Variants in LARP7 observed in about 807,000 individuals in gnomAD.
LARP7 encodes the protein la-related protein 7.
A neutral mutation model predicts 69.3 loss-of-function variants in LARP7; 52 were observed. The observed-to-expected ratio is 0.75, with a 90% CI of 0.60 to 0.95. The LOEUF is 0.95. Among genes scored for constraint, LARP7 ranks in the 40% least tolerant of loss-of-function variants. The probability of loss-of-function intolerance (pLI) is 0.00; values close to 1 mark genes in which losing one functional copy is unlikely to be tolerated. For synonymous variants in LARP7, 254 were observed against 215.9 expected (o/e 1.18, Z -1.55); for missense variants, 733 against 673.0 (o/e 1.09, Z -0.99).
At chr4:112,652,297 C>A (rs551194453) in intron 10 of LARP7, among the ~76,000 whole-genome samples, 25 of 133,724 alleles carry the variant, frequency 1.9e-4, no homozygotes, top group African/African-American at 5.5e-5. Context: ...AAGATTTCCC[C>A]CCCCCCCCCA....
rs780535905 is a variant in LARP7 at position 112,657,334 on chromosome 4, A to G, written c.*7A>G. 3.3e-6 allele frequency: 5 copies of G among 1,522,690 alleles called. No homozygotes were observed. In the East Asian group the frequency reaches 1.1e-4, roughly 35 times the overall value. 94.3% of individuals were successfully genotyped at this position (1,522,690 alleles called of 1,614,324 possible). Reference sequence around the variant, plus strand: ...ATTTTCTGAATATGATTGAAAAAAAAAACAGTTCACCTCTTAATACTTCAC... The same window carrying G: ...ATTTTCTGAATATGATTGAAAAAAAGAACAGTTCACCTCTTAATACTTCAC... On this transcript the variant is annotated 3_prime_UTR_variant, in exon 13 of 13. Transcript: ENST00000344442.
At chr4:112,646,993 GAAAAC>G (rs2048311561) in intron 5 of LARP7, 36 bp from the exon 6 acceptor site, 1 of 1,564,312 alleles carries the variant, frequency 6.4e-7, no homozygotes, top group African/African-American at 1.4e-5. Flanking sequence ...AGAAAGAAAA[GAAAAC>G]AAGTATTAAA....
intron 8 of LARP7, 38 bp downstream of exon 8, chr4:112,647,872 A>G (rs2048399588): frequency 2.2e-6 from 3 of 1,375,890 alleles, no homozygotes; most frequent in African/African-American, 1.4e-5. Flanking sequence ...TGGCTTAACA[A>G]TCCATCACCA....
chr4:112,640,658 C>G (rs1432696020), intron 1 of LARP7, among the ~76,000 whole-genome samples: 1 of 152,138 alleles, frequency 6.6e-6, no homozygotes, highest in Non-Finnish European at 1.5e-5. Context: ...CAAGATTGTG[C>G]CACTGCAGTC....
rs750228758 is a variant in LARP7, at chr4:112,653,220, A to T, written c.1560A>T (p.Lys520Asn). The T allele has an allele frequency of 5.8e-5, 92 of 1,578,642 alleles. 1 individual carries two copies. In the South Asian group the frequency reaches 6.2e-4, roughly 11 times the overall value. The change falls in exon 11 of 13, where the codon AAA becomes AAT. Residue 520 changes from lysine (K) to asparagine (N), a missense_variant. Coordinates refer to ENST00000344442, the MANE Select transcript of LARP7 (RefSeq NM_016648.4). Reference protein sequence around the residue: ...YTEINKKHCWKLEILSGDHEQ... With the variant: ...YTEINKKHCWNLEILSGDHEQ... Reference sequence around the variant, plus strand: ...AAATTAACAAGAAACACTGCTGGAAACTCGAGATCCTTTCTGGTAAAACTT... The same window carrying T: ...AAATTAACAAGAAACACTGCTGGAATCTCGAGATCCTTTCTGGTAAAACTT...
intron 1 of LARP7, among the ~76,000 whole-genome samples, chr4:112,643,023 A>G (rs1001732248): frequency 3.9e-5 from 6 of 152,232 alleles, no homozygotes; most frequent in African/African-American, 4.8e-5. Flanking sequence ...CTATACCACT[A>G]GTGATTCAAT....
At position 112,638,247 on chromosome 4, in the gene LARP7, G is replaced by A. The variant is rs577127084; in HGVS notation, c.-3+1008G>A. On this transcript the variant is annotated intron_variant, in intron 1 of 12. Transcript: ENST00000344442. ...GGAAGCAGAGATTACAGTGAGCCGG[G>A]ATCGCGCCACTGCACTGCAGCCTGG... 5.3e-5 allele frequency among the ~76,000 whole-genome samples: 8 copies of A among 152,344 alleles called. No individual in the cohort carries two copies. The East Asian group carries it at 1.5e-3, about 29-fold the overall frequency.
intron 9 of LARP7, 57 bp downstream of exon 9, chr4:112,649,743 A>G (rs1213279316): frequency 3.6e-6 from 4 of 1,120,590 alleles, no homozygotes; most frequent in South Asian, 2.0e-5. Flanking sequence ...TGTAAATGCT[A>G]TCTCTGAGTT....
At chr4:112,644,131 A>G (rs1256689823) in intron 1 of LARP7, among the ~76,000 whole-genome samples, 1 of 151,632 alleles carries the variant, frequency 6.6e-6, no homozygotes, top group East Asian at 2.0e-4. Flanking sequence ...AGTCCCAGCT[A>G]CTTGGGAGAC....
chr4:112,650,829 G>C (rs1466446250), intron 10 of LARP7, among the ~76,000 whole-genome samples: 1 of 151,986 alleles, frequency 6.6e-6, no homozygotes, highest in Non-Finnish European at 1.5e-5. Flanking sequence ...TAGGAAAATT[G>C]TAACTTTTGC....
chr4:112,653,396 A>C (rs1578643453), intron 11 of LARP7, among the ~76,000 whole-genome samples, 160 bp downstream of exon 11: 1 of 150,696 alleles, frequency 6.6e-6, no homozygotes, highest in South Asian at 2.1e-4. Context: ...CGCATCCTCC[A>C]CCTCCCAGTT....
chr4:112,654,204 C>A, intron 12 of LARP7, 45 bp downstream of exon 12: 1 of 1,346,008 alleles, frequency 7.4e-7, no homozygotes, highest in Non-Finnish European at 1.1e-6. Context: ...TTTCCTTGAA[C>A]GTTTAATGCC....
intron 1 of LARP7, chr4:112,637,494 A>T (rs1380885123): frequency 2.0e-5 from 3 of 152,448 alleles, no homozygotes; most frequent in Non-Finnish European, 2.9e-5. Context: ...CGCCCGGCCT[A>T]TGACGGCGTC....
Position 112,639,525 on chromosome 4 carries a change from T to C in LARP7, c.-3+2286T>C, listed in dbSNP as rs532436018. ...GATTACAAGCGTGAGCCACCGCGCC[T>C]GGCCAAGTGTTACTTTTTTTTTTTA... On this transcript the variant is annotated intron_variant, in intron 1 of 12. Transcript: ENST00000344442. Among the ~76,000 whole-genome samples the C allele has an allele frequency of 1.4e-3, 215 of 152,044 alleles. 1 individual carries two copies. The highest frequency in any genetic ancestry group is 4.1e-3 in the Admixed American group (63 of 15,258).
chr4:112,644,026 A>G (rs2048062073), intron 1 of LARP7, among the ~76,000 whole-genome samples: 2 of 151,938 alleles, frequency 1.3e-5, no homozygotes, highest in Non-Finnish European at 2.9e-5. Flanking sequence ...GCAGATCACC[A>G]GGACAGCAAT....
At chr4:112,647,589 TTTAA>T (rs767678965) in intron 7 of LARP7, 40 bp downstream of exon 7, 70 of 1,470,614 alleles carry the variant, frequency 4.8e-5, no homozygotes, top group East Asian at 3.2e-4. Context: ...ACTAATTAAT[TTTAA>T]TTAATTAGTT....
intron 6 of LARP7, 33 bp from the exon 7 acceptor site, chr4:112,647,166 T>C (rs2048326695): frequency 4.4e-6 from 7 of 1,592,722 alleles, no homozygotes; most frequent in African/African-American, 4.1e-5. Context: ...GTAGTTGAAG[T>C]AAGATGAACT....
At position 112,657,282 on chromosome 4, in the gene LARP7, GACTC is replaced by G; in HGVS notation, c.1706_1709del (p.Thr569AsnfsTer7). 1 of 1,590,410 alleles carries G rather than the reference GACTC, an allele frequency of 6.3e-7. No homozygotes were observed. Among genetic ancestry groups the G allele is most frequent in the African/African-American group, 1.4e-5 (1 of 73,804 alleles). ...AAGCTGAAAAGATTAGACTGGCAAA[GACTC>G]AACAAGCGAGTAAACATATAAGATT... On this transcript the variant is annotated frameshift_variant, in exon 13 of 13. Transcript: ENST00000344442. LOFTEE classifies it high-confidence loss of function.
chr4:112,648,632 T>C, intron 8 of LARP7: 4 of 424,964 alleles, frequency 9.4e-6, no homozygotes, highest in Admixed American at 2.9e-5. Context: ...GGCATAACTT[T>C]AGAAGAAAAA....
Sources: gnomAD v4.1 joint callset for allele counts (sites outside exome capture counted in the v4.1 genomes callset) on GRCh38, gnomAD v4.1.1 for gene constraint, MANE v1.5 for transcripts, NCBI Gene and HGNC (gene_info 2026-07-23, HGNC 2026-07-21) for gene names.